TNS1: variants seen among roughly 807,000 people sequenced by gnomAD.
TNS1 encodes the protein tensin-1.
TNS1 carries 62 observed loss-of-function variants against 168.6 expected under a neutral mutation model. The ratio of observed to expected loss-of-function variants is 0.37; its 90% CI spans 0.30 to 0.45. The LOEUF (loss-of-function observed/expected upper bound fraction) is 0.45, where lower values mean the gene tolerates loss of function less well. Among genes scored for constraint, TNS1 ranks in the 20% least tolerant of loss-of-function variants. TNS1 has a pLI of 1.00. For synonymous variants in TNS1, 934 were observed against 933.2 expected, an observed-to-expected ratio of 1.00 and a Z score of -0.02; for missense variants, 2,240 against 2,339.4, an observed-to-expected ratio of 0.96 and a Z score of 0.88.
intron 19 of TNS1, among the ~76,000 whole-genome samples, chr2:217,840,632 G>A (rs1044006700): frequency 4.6e-5 from 7 of 152,236 alleles, no homozygotes; most frequent in African/African-American, 1.4e-4. Flanking sequence ...GGTGTGCCAT[G>A]CTCTAGAGTG....
intron 6 of TNS1, among the ~76,000 whole-genome samples, chr2:217,902,499 C>T (rs181883321): frequency 3.9e-4 from 59 of 152,162 alleles, no homozygotes; most frequent in South Asian, 3.3e-3. Flanking sequence ...CAAGGGGGGC[C>T]GGGAGCCTGC....
chr2:217,816,456 C>A (rs2552524), intron 24 of TNS1, among the ~76,000 whole-genome samples: 48 of 152,132 alleles, frequency 3.2e-4, no homozygotes, highest in African/African-American at 1.1e-3. Flanking sequence ...TGTCTCCGGG[C>A]GAGTGTGAGG....
Position 217,799,810 on chromosome 2 carries a change from CA to C in TNS1, c.*4648del, listed in dbSNP as rs1390850567. 5 of 152,086 alleles carry C rather than the reference CA, an allele frequency of 3.3e-5. No individual in the cohort carries two copies. The highest frequency in any genetic ancestry group is 7.4e-5 in the Non-Finnish European group (5 of 68,014). The allele number at this position is 152,086 out of a possible 1,614,324, so 9.4% of individuals were successfully genotyped here. A position where few individuals can be genotyped will look rare whatever the true frequency, so the allele number is the denominator to read the frequency against. ...GGCACAGAGTTTTCTTTAACTTTATCATTTATAAAGCCATACAATGCATTGC... is the reference window on the plus strand; with the variant it reads ...GGCACAGAGTTTTCTTTAACTTTATCTTTATAAAGCCATACAATGCATTGC... On this transcript the variant is annotated 3_prime_UTR_variant, in exon 33 of 33. Transcript: ENST00000682258.
rs1947058198 is a variant in TNS1 at position 217,848,765 on chromosome 2, G to A, written c.1752C>T (p.His584=). The part of the protein sequence containing the change: ...LEREKQGAMY[H]TQHLRSRPAG... The stretch of plus-strand genomic sequence containing the variant: ...CTGGGCGGGACCTGAGGTGCTGGGT[G>A]TGGTACATGGCGCCTTGCTTCTCTC... Residue 584 remains histidine, a synonymous_variant, in exon 19 of 33, where the codon CAC becomes CAT. Transcript: ENST00000682258. 2 of 1,614,222 alleles carry A rather than the reference G, an allele frequency of 1.2e-6. No individual in the cohort carries two copies. Among genetic ancestry groups the A allele is most frequent in the Non-Finnish European group, 1.7e-6 (2 of 1,180,034 alleles).
Position 217,821,921 on chromosome 2 carries a change from C to G in TNS1, c.3391G>C (p.Glu1131Gln). 1 of 1,587,366 alleles carries G rather than the reference C, an allele frequency of 6.3e-7. No homozygotes were observed. The highest frequency in any genetic ancestry group is 8.6e-7 in the Non-Finnish European group (1 of 1,167,376). ...HPTGEPRSYV[E>Q]SVARTAVAGP... ...GCCACCGCTGTCCGTGCCACAGACT[C>G]CACATAGCTCCGGGGCTCTGGAAGG... Residue 1131 changes from glutamate to glutamine, a missense_variant, in exon 23 of 33, where the codon GAG becomes CAG. This residue lies in a region of TNS1 where 2,131 missense variants were observed against 2,171.2 expected (regional missense o/e 0.98). Transcript: ENST00000682258.
At position 217,818,313 on chromosome 2, in the gene TNS1, C is replaced by T. The variant is rs753687770; in HGVS notation, c.4019G>A (p.Ser1340Asn). ...HGSTVSSPQS[S>N]AATTPGSPSL... ...GGGGCTCCCCGGGGTGGTCGCTGCA[C>T]TGCTCTGGGGGCTGGAGACAGTGCT... Residue 1340 changes from serine to asparagine, a missense_variant, in exon 24 of 33, where the codon AGT becomes AAT. Physicochemically the swap from Ser to Asn is conservative, Grantham distance 46 (BLOSUM62 1). This residue lies in a region of TNS1 where 2,131 missense variants were observed against 2,171.2 expected (regional missense o/e 0.98). Coordinates refer to ENST00000682258, the MANE Select transcript of TNS1 (RefSeq NM_001387777.1). The T allele has an allele frequency of 1.2e-6, 2 of 1,613,924 alleles. No homozygotes were observed. Among genetic ancestry groups the T allele is most frequent in the East Asian group, 4.5e-5 (2 of 44,874 alleles).
chr2:217,813,375 T>G lies in TNS1; in HGVS notation c.4862-68A>C. 7.6e-7 allele frequency: 1 copy of G among 1,315,946 alleles called. No individual in the cohort carries two copies. Among genetic ancestry groups the G allele is most frequent in the Non-Finnish European group, 1.1e-6 (1 of 932,456 alleles). The allele number at this position is 1,315,946 out of a possible 1,614,324, so 81.5% of individuals were successfully genotyped here. A position where few individuals can be genotyped will look rare whatever the true frequency, so the allele number is the denominator to read the frequency against. ...GCTTCCTCCCACCACCTCCCAAGACTGCTTCAAAACTTCCGCAGTGTGCGG... is the reference window on the plus strand; with the variant it reads ...GCTTCCTCCCACCACCTCCCAAGACGGCTTCAAAACTTCCGCAGTGTGCGG... On this transcript the variant is annotated intron_variant, in intron 26 of 32. Coordinates refer to ENST00000682258, the MANE Select transcript of TNS1 (RefSeq NM_001387777.1). This position sits in a 1 kb window ranked among gnomAD's most constrained non-coding sequence, Gnocchi z 4.0.
intron 1 of TNS1, among the ~76,000 whole-genome samples, chr2:218,018,473 C>A (rs1275794251): frequency 1.3e-5 from 2 of 152,370 alleles, no homozygotes; most frequent in East Asian, 3.9e-4. Context: ...CGTATGAATT[C>A]TCTTCCAGAA....
At chr2:217,945,514 C>T (rs1411781298) in intron 3 of TNS1, among the ~76,000 whole-genome samples, 1 of 152,174 alleles carries the variant, frequency 6.6e-6, no homozygotes, top group African/African-American at 2.4e-5. Flanking sequence ...TCGCTCCACT[C>T]ATCCTCTGCC....
At chr2:218,019,674 T>A (rs1958791076) in intron 1 of TNS1, among the ~76,000 whole-genome samples, 1 of 152,122 alleles carries the variant, frequency 6.6e-6, no homozygotes, top group Admixed American at 6.5e-5. Context: ...GGGGAGAGAT[T>A]TCTGTTGATG....
intron 4 of TNS1, among the ~76,000 whole-genome samples, chr2:217,919,654 C>T (rs2288171): frequency 0.12 from 18,030 of 152,238 alleles, 2,090 homozygotes; most frequent in African/African-American, 0.29. Context: ...AGGGATCCCA[C>T]CCCAGTCCAG....
chr2:217,861,305 C>T (rs1948761711), intron 18 of TNS1, among the ~76,000 whole-genome samples: 1 of 152,138 alleles, frequency 6.6e-6, no homozygotes, highest in Non-Finnish European at 1.5e-5. Flanking sequence ...ATGAGACGTG[C>T]CTGCCCTCCT....
Position 218,033,645 on chromosome 2 carries a change from C to T in TNS1, c.156+175G>A, listed in dbSNP as rs1394824015. On this transcript the variant is annotated intron_variant, in intron 1 of 1. Transcript: ENST00000649572. The surrounding 1 kb of genome is among the most constrained non-coding windows in gnomAD (Gnocchi z 4.3). ...GGAGCCCTCTACCCAACTGGAGGCC[C>T]CTTCACCCGGTCGTGGTCCTTCCTC... is the stretch of plus-strand genomic sequence containing the variant. Among the ~76,000 whole-genome samples the T allele has an allele frequency of 1.3e-5, 2 of 152,138 alleles. No homozygotes were observed. Among genetic ancestry groups the T allele is most frequent in the Non-Finnish European group, 2.9e-5 (2 of 68,004 alleles).
rs1320132986 is a variant in TNS1 at position 217,990,971 on chromosome 2, A to T, written c.119T>A (p.Val40Asp). 3 of 686,646 alleles carry T rather than the reference A, an allele frequency of 4.4e-6. No individual in the cohort carries two copies. Among genetic ancestry groups the T allele is most frequent in the Non-Finnish European group, 8.0e-6 (3 of 373,174 alleles). 42.5% of individuals were successfully genotyped at this position (686,646 alleles called of 1,614,324 possible). A position where few individuals can be genotyped will look rare whatever the true frequency, so the allele number is the denominator to read the frequency against. Reference protein sequence around the residue: ...KVKPCGICRQVITQEGCTCKV... With the variant: ...KVKPCGICRQDITQEGCTCKV... The stretch of plus-strand genomic sequence containing the variant: ...GCAGGTGCAGCCTTCCTGGGTGATG[A>T]CCTGGCGGCAGATCCCACAGGGCTT... The change falls in exon 2 of 33, where the codon GTC becomes GAC. Residue 40 changes from valine to aspartate, a missense_variant. Physicochemically the swap from Val to Asp is radical, Grantham distance 152 (BLOSUM62 -3). Around this residue, in one of 2 missense-constraint regions of TNS1, gnomAD observed 2,131 missense variants for 2,171.2 expected, o/e 0.98. Coordinates refer to ENST00000682258, the MANE Select transcript of TNS1 (RefSeq NM_001387777.1).
At chr2:217,930,258 A>T (rs1009428642) in intron 3 of TNS1, among the ~76,000 whole-genome samples, 1 of 152,218 alleles carries the variant, frequency 6.6e-6, no homozygotes, top group African/African-American at 2.4e-5. Context: ...ACCAGTAAAT[A>T]ATGGAAATTG....
chr2:217,891,793 T>C (rs1559310933), intron 11 of TNS1, among the ~76,000 whole-genome samples: 1 of 152,104 alleles, frequency 6.6e-6, no homozygotes, highest in Admixed American at 6.5e-5. Flanking sequence ...GCCCCTCGCA[T>C]TCCCATCCTT....
intron 18 of TNS1, among the ~76,000 whole-genome samples, chr2:217,861,803 C>T (rs1304305622): frequency 1.3e-5 from 2 of 152,212 alleles, no homozygotes; most frequent in Admixed American, 6.5e-5. Context: ...GGACAGAACA[C>T]GAGTAGTGCA....
chr2:217,841,586 C>T (rs537701157), intron 19 of TNS1, among the ~76,000 whole-genome samples: 2 of 152,124 alleles, frequency 1.3e-5, no homozygotes, highest in Non-Finnish European at 2.9e-5. Context: ...GATGGACCTC[C>T]TGCTGGCCAG....
intron 18 of TNS1, chr2:217,858,657 C>A: frequency 2.2e-6 from 1 of 456,330 alleles, no homozygotes; most frequent in Non-Finnish European, 2.7e-6. Flanking sequence ...GCCAGTGCCG[C>A]CTGCCTGCCC....
Sources: gnomAD v4.1 joint callset for allele counts (sites outside exome capture counted in the v4.1 genomes callset) on GRCh38, gnomAD v4.1.1 for gene constraint, gnomAD v4.1.1 regional missense constraint, Gnocchi (gnomAD v3.1) non-coding constraint, MANE v1.5 for transcripts, NCBI Gene and HGNC (gene_info 2026-07-23, HGNC 2026-07-21) for gene names.